Variants in SGCD observed in about 807,000 individuals in gnomAD.
The protein encoded by SGCD is sarcoglycan delta, also known as delta-sarcoglycan.
SGCD carries 18 observed loss-of-function variants against 36.6 expected under a neutral mutation model. The observed-to-expected ratio is 0.49, with a 90% CI of 0.34 to 0.73. The LOEUF is 0.73. SGCD is among the 30% of genes least tolerant of loss of function. The probability of loss-of-function intolerance (pLI) is 0.01; values close to 1 mark genes in which losing one functional copy is unlikely to be tolerated. For synonymous variants in SGCD, 133 were observed against 130.6 expected (o/e 1.02, Z -0.12); for missense variants, 387 against 346.7 (o/e 1.12, Z -0.92).
chr5:156,259,888 G>A (rs369729204), intron 3 of SGCD, among the ~76,000 whole-genome samples: 1 of 152,236 alleles, frequency 6.6e-6, no homozygotes, highest in South Asian at 2.1e-4. Context: ...GTTGCAAAAA[G>A]GCACTCACCA....
intron 1 of SGCD, among the ~76,000 whole-genome samples, chr5:156,076,458 A>G (rs1760787557): frequency 6.6e-6 from 1 of 152,182 alleles, no homozygotes; most frequent in Non-Finnish European, 1.5e-5. Context: ...CTCTCAGTAC[A>G]AAAGAAGGAT....
the SGCD span, among the ~76,000 whole-genome samples, chr5:155,764,640 A>G: frequency 3.3e-5 from 5 of 152,174 alleles, no homozygotes; most frequent in Admixed American, 6.5e-5. Context: ...CTGATGTCCC[A>G]GTGGCCAGAG....
chr5:156,146,619 A>T (rs778216702), intron 3 of SGCD, among the ~76,000 whole-genome samples: 1 of 152,234 alleles, frequency 6.6e-6, no homozygotes, highest in Non-Finnish European at 1.5e-5. Context: ...AGAAGAACAA[A>T]GTTTGGAGGG....
intron 3 of SGCD, among the ~76,000 whole-genome samples, chr5:156,473,633 C>A (rs1027813744): frequency 2.6e-5 from 4 of 152,166 alleles, no homozygotes; most frequent in African/African-American, 7.2e-5. Flanking sequence ...ATTGTAAACT[C>A]CTTGGGAGTG....
chr5:155,786,428 G>C, the SGCD span, among the ~76,000 whole-genome samples: 2 of 152,116 alleles, frequency 1.3e-5, no homozygotes, highest in African/African-American at 4.8e-5. Flanking sequence ...CTTGGAATTG[G>C]CTTACTTTGG....
chr5:156,239,192 A>C (rs552027404), intron 3 of SGCD, among the ~76,000 whole-genome samples: 1 of 152,134 alleles, frequency 6.6e-6, no homozygotes, highest in African/African-American at 2.4e-5. Flanking sequence ...TTGAGGTCAC[A>C]AGTTCAAGAC....
chr5:156,024,577 A>G (rs1298712752), intron 1 of SGCD, among the ~76,000 whole-genome samples: 1 of 152,136 alleles, frequency 6.6e-6, no homozygotes, highest in Non-Finnish European at 1.5e-5. Flanking sequence ...AGAATTCAAA[A>G]TGCTCCAGTT....
intron 4 of SGCD, among the ~76,000 whole-genome samples, chr5:156,535,838 G>A (rs1366994388): frequency 5.3e-5 from 8 of 151,998 alleles, no homozygotes; most frequent in Admixed American, 5.2e-4. Flanking sequence ...TATAATTTGG[G>A]AAATAAGCCT....
At chr5:156,481,596 A>G (rs1361105688) in intron 3 of SGCD, among the ~76,000 whole-genome samples, 1 of 152,154 alleles carries the variant, frequency 6.6e-6, no homozygotes, top group Non-Finnish European at 1.5e-5. Flanking sequence ...CTTGATCTAC[A>G]TGACCCTGGG....
At chr5:156,198,610 C>T (rs1764075615) in intron 3 of SGCD, among the ~76,000 whole-genome samples, 1 of 152,128 alleles carries the variant, frequency 6.6e-6, no homozygotes, top group African/African-American at 2.4e-5. Context: ...AAAAATGGCT[C>T]TGTGTGGACC....
At chr5:155,984,205 A>T (rs767220187) in intron 1 of SGCD, among the ~76,000 whole-genome samples, 10 of 152,156 alleles carry the variant, frequency 6.6e-5, no homozygotes, top group Non-Finnish European at 1.2e-4. Flanking sequence ...TCACTTATTT[A>T]CTCAGCAAAT....
chr5:156,445,949 C>G (rs898349353), intron 3 of SGCD, among the ~76,000 whole-genome samples: 2 of 152,108 alleles, frequency 1.3e-5, no homozygotes, highest in Non-Finnish European at 2.9e-5. Context: ...CTGTACTGTG[C>G]TAGTTGCCAG....
intron 7 of SGCD, among the ~76,000 whole-genome samples, chr5:156,688,803 A>G (rs889007555): frequency 6.6e-6 from 1 of 152,250 alleles, no homozygotes; most frequent in African/African-American, 2.4e-5. Flanking sequence ...AGAAGGGGAT[A>G]GATGCTGGAC....
At chr5:156,129,968 T>C (rs1264243936) in intron 3 of SGCD, among the ~76,000 whole-genome samples, 1 of 152,200 alleles carries the variant, frequency 6.6e-6, no homozygotes, top group South Asian at 2.1e-4. Flanking sequence ...CATGTGTCTT[T>C]ATGGTAGAAT....
chr5:155,769,972 A>G, the SGCD span, among the ~76,000 whole-genome samples: 1 of 151,786 alleles, frequency 6.6e-6, no homozygotes, highest in Admixed American at 6.6e-5. Context: ...TTTTTTATTC[A>G]TAGGACTTGC....
At chr5:156,710,066 C>T (rs1754919858) in intron 7 of SGCD, among the ~76,000 whole-genome samples, 2 of 152,002 alleles carry the variant, frequency 1.3e-5, no homozygotes, top group African/African-American at 4.8e-5. Context: ...CGTCCTGAGC[C>T]TCCTTTCCTT....
At chr5:156,247,387 T>A (rs1765464038) in intron 3 of SGCD, among the ~76,000 whole-genome samples, 1 of 152,194 alleles carries the variant, frequency 6.6e-6, no homozygotes, top group South Asian at 2.1e-4. Context: ...TAGATTACAG[T>A]CCATGTTCAT....
chr5:155,777,651 C>T, the SGCD span, among the ~76,000 whole-genome samples: 7 of 152,172 alleles, frequency 4.6e-5, no homozygotes, highest in East Asian at 3.9e-4. Context: ...CCACAGTGCC[C>T]GGCCATAGAA....
chr5:156,484,259 G>T lies in SGCD; in HGVS notation c.193-24342G>T, dbSNP rs570044469. On this transcript the variant is annotated intron_variant, in intron 3 of 8. Coordinates refer to ENST00000337851, the MANE Select transcript of SGCD (RefSeq NM_000337.6). ...TCCTGAAAAGATAGAGTATGTGAAGGCCACATCTCTATTTTTAAAATAAAG... is the reference window on the plus strand; with the variant it reads ...TCCTGAAAAGATAGAGTATGTGAAGTCCACATCTCTATTTTTAAAATAAAG... 2.0e-5 allele frequency among the ~76,000 whole-genome samples: 3 copies of T among 152,248 alleles called. No individual in the cohort carries two copies. In the South Asian group the frequency reaches 6.2e-4, roughly 32 times the overall value.
Sources: allele counts gnomAD v4.1 joint callset (sites outside exome capture counted in the v4.1 genomes callset), GRCh38; gene constraint gnomAD v4.1.1; transcripts MANE v1.5; gene names NCBI Gene and HGNC (gene_info 2026-07-23, HGNC 2026-07-21).